The following ANKRD18A variants were observed in gnomAD, a reference collection of about 807,000 sequenced individuals.
ANKRD18A encodes ankyrin repeat domain 18A, also known as ankyrin repeat domain-containing protein 18A.
A neutral mutation model predicts 110.6 loss-of-function variants in ANKRD18A; 72 were observed. The ratio of observed to expected loss-of-function variants is 0.65; its 90% CI spans 0.54 to 0.79. The LOEUF is 0.79. Ranked by LOEUF, ANKRD18A falls within the 30% of genes least tolerant of loss-of-function variation. The probability of loss-of-function intolerance (pLI) is 0.00; values close to 1 mark genes in which losing one functional copy is unlikely to be tolerated. For synonymous variants in ANKRD18A, 305 were observed against 410.3 expected (o/e 0.74, Z 3.10); for missense variants, 934 against 1,163.3 (o/e 0.80, Z 2.87).
intron 3 of ANKRD18A, among the ~76,000 whole-genome samples, chr9:38,613,730 A>G (rs920689581): frequency 3.3e-5 from 5 of 152,194 alleles, no homozygotes. Context: ...AGCTCTATAA[A>G]CTTAATAGGC....
rs1012841282 is a variant in ANKRD18A at position 38,619,952 on chromosome 9, G to A, written c.206+128C>T. The A allele has an allele frequency of 6.2e-5, 73 of 1,177,208 alleles. No homozygotes were observed. In the Admixed American group the frequency reaches 2.0e-3, roughly 33 times the overall value. The allele number at this position is 1,177,208 out of a possible 1,614,324, so 72.9% of individuals were successfully genotyped here. A position where few individuals can be genotyped will look rare whatever the true frequency, so the allele number is the denominator to read the frequency against. On this transcript the variant is annotated intron_variant, in intron 1 of 15. Transcript: ENST00000399703. The stretch of plus-strand genomic sequence containing the variant: ...ATTGCCAGCGACGGAAAGCAGCTGA[G>A]GCTCCATTTGGCTCCGCTGCTCCGA...
intron 1 of ANKRD18A, among the ~76,000 whole-genome samples, chr9:38,618,167 C>A (rs1825935569): frequency 1.3e-5 from 2 of 152,082 alleles, no homozygotes; most frequent in African/African-American, 4.8e-5. Flanking sequence ...AGTCATATTT[C>A]TCTTCCCAAA....
chr9:38,596,774 C>T (rs1563967166), intron 8 of ANKRD18A, among the ~76,000 whole-genome samples: 1 of 152,054 alleles, frequency 6.6e-6, no homozygotes. Flanking sequence ...GATATCTAAC[C>T]CAGACACCAC....
chr9:38,613,615 T>C (rs1438268819), intron 3 of ANKRD18A, among the ~76,000 whole-genome samples: 1 of 152,234 alleles, frequency 6.6e-6, no homozygotes, highest in Admixed American at 6.5e-5. Flanking sequence ...AAATGGACAA[T>C]TAGTTCATAG....
chr9:38,611,275 T>C lies in ANKRD18A; in HGVS notation c.542A>G (p.His181Arg). The C allele has an allele frequency of 2.0e-6, 3 of 1,533,152 alleles. No homozygotes were observed. The highest frequency in any genetic ancestry group is 2.6e-6 in the Non-Finnish European group (3 of 1,140,834). 95.0% of individuals were successfully genotyped at this position (1,533,152 alleles called of 1,614,324 possible). ...GTTCTTCAATAAAAATTCCACCATA[T>C]GCTGTCTCCTGGAATTTATAGCAAA... is the stretch of plus-strand genomic sequence containing the variant. Reference protein sequence around the residue: ...LLFAINSRRQHMVEFLLKNQA... With the variant: ...LLFAINSRRQRMVEFLLKNQA... The change falls in exon 4 of 16, where the codon CAT becomes CGT. Residue 181 changes from histidine (H) to arginine (R), a missense_variant. His to Arg is a conservative substitution (Grantham distance 29). This residue lies in a region of ANKRD18A where 630 missense variants were observed against 797.5 expected (regional missense o/e 0.79). Transcript: ENST00000399703.
intron 7 of ANKRD18A, among the ~76,000 whole-genome samples, chr9:38,602,683 T>C (rs912567565): frequency 3.3e-5 from 5 of 152,210 alleles, no homozygotes; most frequent in African/African-American, 1.2e-4. Context: ...GACTTGAATT[T>C]TCTGAGAGAT....
intron 9 of ANKRD18A, among the ~76,000 whole-genome samples, chr9:38,594,891 CA>C (rs1824806346): frequency 1.3e-5 from 2 of 152,138 alleles, no homozygotes; most frequent in African/African-American, 4.8e-5. Context: ...AATGCGGCAA[CA>C]TGAAGACGTT....
intron 6 of ANKRD18A, among the ~76,000 whole-genome samples, chr9:38,603,575 A>G (rs1052815763): frequency 6.6e-6 from 1 of 152,104 alleles, no homozygotes; most frequent in African/African-American, 2.4e-5. Flanking sequence ...CGGCTTTCAC[A>G]CTACAATGGC....
chr9:38,569,625 CAT>C (rs560867817), downstream of ANKRD18A, among the ~76,000 whole-genome samples: 28 of 152,236 alleles, frequency 1.8e-4, no homozygotes, highest in South Asian at 3.1e-3. Flanking sequence ...CCTGAACTGA[CAT>C]GTGTGCATGC....
At chr9:38,592,099 T>G (rs1045190538) in intron 10 of ANKRD18A, among the ~76,000 whole-genome samples, 3 of 152,252 alleles carry the variant, frequency 2.0e-5, no homozygotes, top group Non-Finnish European at 4.4e-5. Context: ...GAGAAAAACA[T>G]GAGCATTTGA....
intron 14 of ANKRD18A, among the ~76,000 whole-genome samples, chr9:38,576,139 A>T (rs1002670047): frequency 2.0e-5 from 3 of 152,242 alleles, no homozygotes; most frequent in Non-Finnish European, 4.4e-5. Flanking sequence ...ATCATGTTGT[A>T]CTCCTTAAAT....
intron 9 of ANKRD18A, among the ~76,000 whole-genome samples, chr9:38,594,485 C>T (rs1306365394): frequency 6.6e-6 from 1 of 152,134 alleles, no homozygotes; most frequent in African/African-American, 2.4e-5. Context: ...GCTAATTACT[C>T]ATAAAAATAT....
At chr9:38,618,471 T>G (rs1025200852) in intron 1 of ANKRD18A, among the ~76,000 whole-genome samples, 1 of 152,234 alleles carries the variant, frequency 6.6e-6, no homozygotes, top group African/African-American at 2.4e-5. Context: ...TATGGGTTCT[T>G]GTTAACATAA....
intron 12 of ANKRD18A, among the ~76,000 whole-genome samples, chr9:38,580,260 T>C (rs1477406858): frequency 6.6e-6 from 1 of 152,098 alleles, no homozygotes; most frequent in Non-Finnish European, 1.5e-5. Context: ...ATCAGACAGG[T>C]GCAATGGTGC....
intron 10 of ANKRD18A, among the ~76,000 whole-genome samples, chr9:38,589,478 T>A (rs1255809376): frequency 6.6e-6 from 1 of 152,262 alleles, no homozygotes; most frequent in African/African-American, 2.4e-5. Flanking sequence ...TCTGCCTCTG[T>A]ATCCGTGCTT....
Position 38,611,339 on chromosome 9 carries a change from C to T in ANKRD18A, c.496-18G>A. 6.6e-7 allele frequency: 1 copy of T among 1,508,698 alleles called. No individual in the cohort carries two copies. Among genetic ancestry groups the T allele is most frequent in the Non-Finnish European group, 8.8e-7 (1 of 1,132,592 alleles). The allele number at this position is 1,508,698 out of a possible 1,614,324, so 93.5% of individuals were successfully genotyped here. A position where few individuals can be genotyped will look rare whatever the true frequency, so the allele number is the denominator to read the frequency against. On this transcript the variant is annotated intron_variant, in intron 3 of 15. Transcript: ENST00000399703. ...TTTCCCTCCTGTAAGAAAGCAAAAA[C>T]AATTTATAATTCACAAAATTACATA...
At chr9:38,590,702 C>A (rs1475691814) in intron 10 of ANKRD18A, among the ~76,000 whole-genome samples, 2 of 152,144 alleles carry the variant, frequency 1.3e-5, no homozygotes, top group African/African-American at 4.8e-5. Context: ...TCAACTATGT[C>A]ATTGGGAAGC....
In ANKRD18A at chr9:38,595,676, A is replaced by C. The variant is rs772320394; in HGVS notation, c.1664T>G (p.Leu555Trp). The C allele has an allele frequency of 6.4e-7, 1 of 1,551,158 alleles. No homozygotes were observed. Among genetic ancestry groups the C allele is most frequent in the Non-Finnish European group, 8.7e-7 (1 of 1,146,694 alleles). ...AGCATCCTCTAGTTGTCGTTCAAGC[A>C]AGAGATTTTCAAGTTCTTGTTGACG... ...RIRQQELENL[L>W]LERQLEDARK... The change falls in exon 9 of 16, where the codon TTG becomes TGG. Residue 555 changes from leucine to tryptophan, a missense_variant. Leu to Trp is a moderately conservative substitution (Grantham distance 61). Around this residue, in one of 4 missense-constraint regions of ANKRD18A, gnomAD observed 630 missense variants for 797.5 expected, o/e 0.79. Transcript: ENST00000399703.
downstream of ANKRD18A, chr9:38,569,448 A>G: frequency 1.0e-6 from 1 of 984,308 alleles, no homozygotes; most frequent in Non-Finnish European, 1.2e-6. Context: ...TCACCTAGAA[A>G]ACAATCCTTC....
Sources: allele counts gnomAD v4.1 joint callset (sites outside exome capture counted in the v4.1 genomes callset), GRCh38; gene constraint gnomAD v4.1.1; regional missense constraint gnomAD v4.1.1; transcripts MANE v1.5; gene names NCBI Gene and HGNC (gene_info 2026-07-23, HGNC 2026-07-21).